Variants in PTPRT observed in about 807,000 individuals in gnomAD.
PTPRT encodes the protein protein tyrosine phosphatase receptor type T.
PTPRT carries 56 observed loss-of-function variants against 176.8 expected under a neutral mutation model. The observed-to-expected ratio is 0.32, with a 90% CI of 0.26 to 0.40. The LOEUF is 0.40. PTPRT is among the 10% of genes least tolerant of loss of function. The probability of loss-of-function intolerance (pLI) is 1.00; values close to 1 mark genes in which losing one functional copy is unlikely to be tolerated. For missense variants in PTPRT, 1,540 were observed against 1,908.2 expected, an observed-to-expected ratio of 0.81 and a Z score of 3.60; for synonymous variants, 783 against 739.0, an observed-to-expected ratio of 1.06 and a Z score of -0.96.
intron 7 of PTPRT, among the ~76,000 whole-genome samples, chr20:42,553,069 C>A (rs946750294): frequency 6.6e-6 from 1 of 152,186 alleles, no homozygotes; most frequent in Admixed American, 6.5e-5. Context: ...TTTCACTTGG[C>A]AACTCTACTT....
At chr20:42,083,118 C>CAAAAAAAAAAAAAA (rs3084622) in intron 29 of PTPRT, among the ~76,000 whole-genome samples, 1 of 60,074 alleles carries the variant, frequency 1.7e-5, no homozygotes, top group Non-Finnish European at 2.7e-5. Context: ...GACACTAGTG[C>CAAAAAAAAAAAAAA]AAAAAAAAAA....
chr20:43,073,417 G>A (rs2011208051), intron 1 of PTPRT, among the ~76,000 whole-genome samples: 1 of 151,714 alleles, frequency 6.6e-6, no homozygotes. Flanking sequence ...CAAATCTTTA[G>A]GGGGAAATGA....
At chr20:43,037,973 G>A (rs1211346854) in intron 1 of PTPRT, among the ~76,000 whole-genome samples, 5 of 152,156 alleles carry the variant, frequency 3.3e-5, no homozygotes, top group African/African-American at 1.2e-4. Context: ...TTGTCTGGGG[G>A]TCTGCTGCTG....
chr20:42,659,440 C>T (rs1233146314), intron 7 of PTPRT, among the ~76,000 whole-genome samples: 2 of 152,220 alleles, frequency 1.3e-5, no homozygotes, highest in African/African-American at 4.8e-5. Flanking sequence ...ACCTTGATAG[C>T]CACACCTAAT....
intron 7 of PTPRT, among the ~76,000 whole-genome samples, chr20:42,592,683 C>T (rs1317918811): frequency 6.6e-6 from 1 of 152,184 alleles, no homozygotes; most frequent in East Asian, 1.9e-4. Context: ...TGCTGACCGA[C>T]TCCCTGGAGT....
intron 1 of PTPRT, among the ~76,000 whole-genome samples, chr20:42,961,355 C>T (rs768073999): frequency 6.6e-6 from 1 of 152,132 alleles, no homozygotes; most frequent in Non-Finnish European, 1.5e-5. Flanking sequence ...AAGCAGACCT[C>T]CATATTGTGA....
At position 42,885,881 on chromosome 20, in the gene PTPRT, A is replaced by G. The variant is rs1166281033; in HGVS notation, c.140T>C (p.Leu47Pro). 6.2e-7 allele frequency: 1 copy of G among 1,610,940 alleles called. No homozygotes were observed. The highest frequency in any genetic ancestry group is 1.3e-5 in the African/African-American group (1 of 74,766). The change falls in exon 2 of 31, where the codon CTA (leucine) becomes CCA (proline). Residue 47 changes from leucine to proline, a missense_variant. Coordinates refer to ENST00000373187, the MANE Select transcript of PTPRT (RefSeq NM_007050.6). The part of the protein sequence containing the change: ...HYSNCGYSVA[L>P]GTNGFTWEQI... ...CTCCCAGGTGAACCCATTGGTCCCT[A>G]GAGCCACACTATAACCACAGTTGCT... is the stretch of plus-strand genomic sequence containing the variant.
intron 13 of PTPRT, among the ~76,000 whole-genome samples, chr20:42,257,453 T>G (rs2056661702): frequency 6.6e-6 from 1 of 152,202 alleles, no homozygotes; most frequent in African/African-American, 2.4e-5. Context: ...CCTATCACTA[T>G]GGTTTGGATC....
intron 16 of PTPRT, among the ~76,000 whole-genome samples, chr20:42,184,535 C>CTCTTTCTCTTCT (rs1990657889): frequency 2.7e-5 from 1 of 36,616 alleles, no homozygotes; most frequent in East Asian, 2.2e-3. Context: ...CTTCTTCTTC[C>CTCTTTCTCTTCT]TCTTCCTCTT....
chr20:42,876,406 A>G (rs1459288972), intron 2 of PTPRT, among the ~76,000 whole-genome samples: 1 of 152,226 alleles, frequency 6.6e-6, no homozygotes, highest in Non-Finnish European at 1.5e-5. Flanking sequence ...GGAGCCAGTT[A>G]CATGTGTCAC....
At chr20:42,878,831 AT>A (rs1328597891) in intron 2 of PTPRT, among the ~76,000 whole-genome samples, 2 of 152,290 alleles carry the variant, frequency 1.3e-5, no homozygotes, top group African/African-American at 4.8e-5. Flanking sequence ...GATTGAGACC[AT>A]CCTGGCTAAC....
chr20:42,755,298 G>A (rs767723439), intron 6 of PTPRT, among the ~76,000 whole-genome samples: 1 of 152,130 alleles, frequency 6.6e-6, no homozygotes, highest in Non-Finnish European at 1.5e-5. Flanking sequence ...CACTGGGTCA[G>A]CAAAATGAGG....
intron 6 of PTPRT, among the ~76,000 whole-genome samples, chr20:42,689,618 A>T (rs2075759517): frequency 6.6e-6 from 1 of 152,128 alleles, no homozygotes; most frequent in Admixed American, 6.5e-5. Flanking sequence ...AATCCCCAAA[A>T]CTTACATAGA....
chr20:42,474,747 A>G (rs1280778891), intron 7 of PTPRT, among the ~76,000 whole-genome samples: 1 of 152,108 alleles, frequency 6.6e-6, no homozygotes, highest in Non-Finnish European at 1.5e-5. Flanking sequence ...GCACACAGAG[A>G]GCAATAAATG....
At chr20:42,608,227 G>C in intron 7 of PTPRT, among the ~76,000 whole-genome samples, 1 of 152,076 alleles carries the variant, frequency 6.6e-6, no homozygotes, top group African/African-American at 2.4e-5. Flanking sequence ...ATGCATCATG[G>C]GCAGCCACAG....
intron 2 of PTPRT, among the ~76,000 whole-genome samples, chr20:42,816,694 C>T (rs969231648): frequency 5.9e-5 from 9 of 152,176 alleles, no homozygotes; most frequent in African/African-American, 2.2e-4. Context: ...CCTGCTTCCC[C>T]CTCGCCTTCT....
chr20:43,121,158 G>C (rs1416735068), intron 1 of PTPRT, among the ~76,000 whole-genome samples: 1 of 151,642 alleles, frequency 6.6e-6, no homozygotes, highest in Non-Finnish European at 1.5e-5. Flanking sequence ...AGTTGACTGA[G>C]ATTCACCCAT....
intron 1 of PTPRT, among the ~76,000 whole-genome samples, chr20:43,102,807 A>G (rs976476685): frequency 6.6e-6 from 1 of 152,118 alleles, no homozygotes; most frequent in Non-Finnish European, 1.5e-5. Context: ...TTGTCTCACA[A>G]TCCCTCTCTC....
At chr20:43,134,263 C>A (rs2013749569) in intron 1 of PTPRT, among the ~76,000 whole-genome samples, 1 of 152,194 alleles carries the variant, frequency 6.6e-6, no homozygotes, top group South Asian at 2.1e-4. Flanking sequence ...AGATTCTTTG[C>A]TTGGCCAAAC....
Sources: gnomAD v4.1 joint callset for allele counts (sites outside exome capture counted in the v4.1 genomes callset) on GRCh38, gnomAD v4.1.1 for gene constraint, MANE v1.5 for transcripts, NCBI Gene and HGNC (gene_info 2026-07-23, HGNC 2026-07-21) for gene names.